HSD17B12: variants seen among roughly 807,000 people sequenced by gnomAD.
The protein encoded by HSD17B12 is very-long-chain 3-oxoacyl-CoA reductase.
A neutral mutation model predicts 39.3 loss-of-function variants in HSD17B12; 32 were observed. That is an observed-to-expected ratio of 0.81 (90% confidence interval 0.61 to 1.09). HSD17B12 has a LOEUF of 1.09. Ranked by LOEUF, HSD17B12 falls within the 50% of genes least tolerant of loss-of-function variation. The probability of loss-of-function intolerance (pLI) is 0.00; values close to 1 mark genes in which losing one functional copy is unlikely to be tolerated. For missense variants in HSD17B12, 342 were observed against 382.9 expected, an observed-to-expected ratio of 0.89 and a Z score of 0.89; for synonymous variants, 150 against 146.7, an observed-to-expected ratio of 1.02 and a Z score of -0.16.
At chr11:43,815,568 A>T in intron 5 of HSD17B12, 67 bp downstream of exon 5, 1 of 951,630 alleles carries the variant, frequency 1.1e-6, no homozygotes, top group South Asian at 1.8e-5. Flanking sequence ...AATGATTCAC[A>T]CTATGACACT....
intron 1 of HSD17B12, among the ~76,000 whole-genome samples, chr11:43,681,784 G>A (rs1201827893): frequency 2.0e-5 from 3 of 151,640 alleles, no homozygotes; most frequent in Non-Finnish European, 2.9e-5. Context: ...CGAAGGTCAG[G>A]TTGAGGAAAT....
chr11:43,622,849 G>A, the HSD17B12 span, among the ~76,000 whole-genome samples: 3 of 151,986 alleles, frequency 2.0e-5, no homozygotes, highest in Non-Finnish European at 2.9e-5. Context: ...ATACATAATC[G>A]AGGTAAGCCC....
the HSD17B12 span, among the ~76,000 whole-genome samples, chr11:43,598,750 C>T: frequency 6.6e-6 from 1 of 152,148 alleles, no homozygotes; most frequent in South Asian, 2.1e-4. Flanking sequence ...CTGTGCAGTG[C>T]CTTCCACGTC....
chr11:43,666,362 G>A, the HSD17B12 span, among the ~76,000 whole-genome samples: 3 of 151,828 alleles, frequency 2.0e-5, no homozygotes, highest in Non-Finnish European at 4.4e-5. Context: ...ACACCACCCC[G>A]CCCAGGTAAC....
the HSD17B12 span, among the ~76,000 whole-genome samples, chr11:43,606,363 G>T: frequency 4.6e-5 from 7 of 152,328 alleles, no homozygotes; most frequent in East Asian, 1.4e-3. Flanking sequence ...TGAGTTGCAG[G>T]CAGGGCCATA....
At chr11:43,707,079 C>G (rs1299186710) in intron 1 of HSD17B12, among the ~76,000 whole-genome samples, 1 of 152,078 alleles carries the variant, frequency 6.6e-6, no homozygotes, top group Non-Finnish European at 1.5e-5. Flanking sequence ...ATCGTCTATT[C>G]TTAGGTTCTC....
At position 43,742,531 on chromosome 11, in the gene HSD17B12, T is replaced by C. The variant is rs118037373; in HGVS notation, c.161-8380T>C. On this transcript the variant is annotated intron_variant, in intron 1 of 10. Transcript: ENST00000278353. ...CATGTTTGTTGAGTAGGACTTTTTCTTTCATAATTGACTTAAACTTGGGTA... is the reference window on the plus strand; with the variant it reads ...CATGTTTGTTGAGTAGGACTTTTTCCTTCATAATTGACTTAAACTTGGGTA... Among the ~76,000 whole-genome samples the C allele has an allele frequency of 2.6e-3, 397 of 152,326 alleles. 9 individuals carry two copies. The East Asian group carries it at 0.055, about 21-fold the overall frequency.
At chr11:43,571,042 C>G in the HSD17B12 span, among the ~76,000 whole-genome samples, 5 of 152,202 alleles carry the variant, frequency 3.3e-5, no homozygotes, top group African/African-American at 1.2e-4. Flanking sequence ...GAAATACAAT[C>G]CCCATTCTTT....
chr11:43,817,002 ATC>A (rs1554970277), intron 6 of HSD17B12, among the ~76,000 whole-genome samples: 838 of 82,972 alleles, frequency 0.01, 17 homozygotes, highest in South Asian at 0.039. Flanking sequence ...CTATATCTAT[ATC>A]TATATCTATA....
At chr11:43,700,910 A>G (rs1590671746) in intron 1 of HSD17B12, among the ~76,000 whole-genome samples, 2 of 152,270 alleles carry the variant, frequency 1.3e-5, no homozygotes, top group South Asian at 4.1e-4. Flanking sequence ...GAAAGCTCCA[A>G]ACTGTTCTCC....
chr11:43,851,000 G>T (rs958644923), intron 9 of HSD17B12, among the ~76,000 whole-genome samples: 12 of 152,234 alleles, frequency 7.9e-5, no homozygotes, highest in African/African-American at 2.9e-4. Flanking sequence ...GGTGGAGGTT[G>T]CAGTGAGCCG....
chr11:43,722,353 A>G (rs1454044612), intron 1 of HSD17B12, among the ~76,000 whole-genome samples: 3 of 152,160 alleles, frequency 2.0e-5, no homozygotes, highest in Non-Finnish European at 4.4e-5. Flanking sequence ...ACCAGCTGCA[A>G]TGGAGGAAGT....
At chr11:43,654,602 C>A in the HSD17B12 span, among the ~76,000 whole-genome samples, 1 of 152,028 alleles carries the variant, frequency 6.6e-6, no homozygotes, top group Non-Finnish European at 1.5e-5. Context: ...CCAGTTTCAG[C>A]TTTCTACATA....
At chr11:43,700,422 T>C (rs1192510571) in intron 1 of HSD17B12, among the ~76,000 whole-genome samples, 1 of 152,100 alleles carries the variant, frequency 6.6e-6, no homozygotes, top group Non-Finnish European at 1.5e-5. Context: ...TGCTATCAAA[T>C]GGTAGGTCTT....
chr11:43,715,652 G>A (rs1408912967), intron 1 of HSD17B12, among the ~76,000 whole-genome samples: 1 of 152,102 alleles, frequency 6.6e-6, no homozygotes, highest in African/African-American at 2.4e-5. Context: ...AATGAGTTAG[G>A]GAGGATTTCC....
chr11:43,815,639 G>T (rs894826705), intron 5 of HSD17B12, 138 bp downstream of exon 5: 5 of 504,562 alleles, frequency 9.9e-6, no homozygotes, highest in Middle Eastern at 2.9e-4. Context: ...AGTTCCCTGG[G>T]TATGGGCCTA....
intron 1 of HSD17B12, among the ~76,000 whole-genome samples, chr11:43,686,570 G>A (rs1014937937): frequency 3.4e-5 from 5 of 149,174 alleles, no homozygotes; most frequent in African/African-American, 2.5e-5. Flanking sequence ...CTCCCCTCCC[G>A]ACTAGCCCCC....
the HSD17B12 span, among the ~76,000 whole-genome samples, chr11:43,644,027 G>A: frequency 1.3e-5 from 2 of 152,200 alleles, no homozygotes; most frequent in South Asian, 4.1e-4. Flanking sequence ...AGGGAAGGCG[G>A]CTAGATAGCG....
intron 1 of HSD17B12, among the ~76,000 whole-genome samples, chr11:43,699,427 T>A (rs1467861017): frequency 6.6e-6 from 1 of 152,202 alleles, no homozygotes; most frequent in Non-Finnish European, 1.5e-5. Flanking sequence ...ATAGTACCTT[T>A]TAGATATCTG....
Sources: gnomAD v4.1 joint callset for allele counts (sites outside exome capture counted in the v4.1 genomes callset) on GRCh38, gnomAD v4.1.1 for gene constraint, MANE v1.5 for transcripts, NCBI Gene and HGNC (gene_info 2026-07-23, HGNC 2026-07-21) for gene names.